The following ARID1B variants were observed in gnomAD, a reference collection of about 807,000 sequenced individuals.
ARID1B encodes the protein AT-rich interaction domain 1B.
A neutral mutation model predicts 212.3 loss-of-function variants in ARID1B; 30 were observed. That is an observed-to-expected ratio of 0.14 (90% CI 0.11 to 0.19). The LOEUF (loss-of-function observed/expected upper bound fraction) is 0.19, where lower values mean the gene tolerates loss of function less well. Among genes scored for constraint, ARID1B ranks in the 10% least tolerant of loss-of-function variants. The pLI is 1.00. For missense variants in ARID1B, 2,891 were observed against 3,204.0 expected (o/e 0.90, Z 2.36); for synonymous variants, 1,402 against 1,301.7 (o/e 1.08, Z -1.66).
chr6:157,135,812 T>C (rs1227508220), intron 7 of ARID1B, among the ~76,000 whole-genome samples: 3 of 152,358 alleles, frequency 2.0e-5, no homozygotes, highest in East Asian at 3.8e-4. Context: ...CTTGATTAAC[T>C]ACTCAGATTA....
In ARID1B at chr6:156,829,247, G is replaced by A; in HGVS notation, c.1812G>A (p.Met604Ile). 6.2e-7 allele frequency: 1 copy of A among 1,613,990 alleles called. No homozygotes were observed. The highest frequency in any genetic ancestry group is 8.5e-7 in the Non-Finnish European group (1 of 1,179,904). ...GRSQGSPMDP[M>I]VMKRPQLYGM... ...CACAGGGCAGCCCAATGGATCCAATGGTGATGAAGAGACCTCAGTTGTATG... is the reference window on the plus strand; with the variant it reads ...CACAGGGCAGCCCAATGGATCCAATAGTGATGAAGAGACCTCAGTTGTATG... Residue 604 changes from methionine to isoleucine, a missense_variant, in exon 2 of 20, where the codon ATG becomes ATA. Met to Ile is a conservative substitution (Grantham distance 10). Transcript: ENST00000636930.
rs1444143519 is a variant in ARID1B at position 157,207,651 on chromosome 6, C to T, written c.6879C>T (p.Ala2293=). ...ISFLEDGVTM[A]QYQQSQHNLM... ...TCCTAGAGGATGGGGTCACGATGGC[C>T]CAGTACCAGCAGAGCCAGCACAACC... The change falls in exon 20 of 20, where the codon GCC becomes GCT. Residue 2293 remains alanine (A), a synonymous_variant. Transcript: ENST00000636930. This position sits in a 1 kb window ranked among gnomAD's most constrained non-coding sequence, Gnocchi z 8.5. 3.1e-6 allele frequency: 5 copies of T among 1,613,988 alleles called. No homozygotes were observed. The highest frequency in any genetic ancestry group is 4.2e-6 in the Non-Finnish European group (5 of 1,179,916).
chr6:156,782,170 AG>A lies in ARID1B; in HGVS notation c.1791+2700del, dbSNP rs1282640542. Among the ~76,000 whole-genome samples, 3 of 151,778 alleles carry A rather than the reference AG, an allele frequency of 2.0e-5. No homozygotes were observed. In the East Asian group the frequency reaches 5.8e-4, roughly 29 times the overall value. ...AGTTGTTGTAATTATACTAAGAAAC[AG>A]TCATTTGTCCAAAATATTAAATTAC... On this transcript the variant is annotated intron_variant, in intron 1 of 19. Coordinates refer to ENST00000636930, the MANE Select transcript of ARID1B (RefSeq NM_001374828.1).
At chr6:156,864,715 C>G (rs955261079) in intron 2 of ARID1B, among the ~76,000 whole-genome samples, 1 of 152,152 alleles carries the variant, frequency 6.6e-6, no homozygotes, top group South Asian at 2.1e-4. Flanking sequence ...TTGCTGTCCC[C>G]GCTGGAAGAT....
chr6:156,778,865 C>A lies in ARID1B; in HGVS notation c.1185C>A (p.Gly395=), dbSNP rs1562377351. 1 of 1,399,236 alleles carries A rather than the reference C, an allele frequency of 7.1e-7. No individual in the cohort carries two copies. Among genetic ancestry groups the A allele is most frequent in the Non-Finnish European group, 9.3e-7 (1 of 1,073,394 alleles). 86.7% of individuals were successfully genotyped at this position (1,399,236 alleles called of 1,614,324 possible). ...SRPGAGGGGG[G]GGGGGGGSGG... ...CCGGCGCGGGCGGCGGCGGCGGCGG[C>A]GGCGGCGGAGGAGGAGGAGGCAGCG... is the stretch of plus-strand genomic sequence containing the variant. The change falls in exon 1 of 20, where the codon GGC becomes GGA. Residue 395 remains glycine, a synonymous_variant. Coordinates refer to ENST00000636930, the MANE Select transcript of ARID1B (RefSeq NM_001374828.1).
chr6:157,125,673 G>A (rs1196719050), intron 6 of ARID1B, among the ~76,000 whole-genome samples: 1 of 152,172 alleles, frequency 6.6e-6, no homozygotes, highest in East Asian at 1.9e-4. Flanking sequence ...CATAGCACCT[G>A]TGCTGCTTTT....
intron 1 of ARID1B, among the ~76,000 whole-genome samples, chr6:156,823,559 G>T (rs1461460776): frequency 1.3e-5 from 2 of 152,166 alleles, no homozygotes; most frequent in Non-Finnish European, 2.9e-5. Context: ...ACTGGTAAGA[G>T]AATGTTGTTT....
intron 4 of ARID1B, among the ~76,000 whole-genome samples, chr6:157,067,111 C>T (rs762502642): frequency 7.2e-5 from 11 of 152,158 alleles, no homozygotes; most frequent in Non-Finnish European, 1.3e-4. Context: ...GTTTGCCAAG[C>T]AGATTCCAAG....
intron 4 of ARID1B, among the ~76,000 whole-genome samples, chr6:156,991,128 C>G (rs1318306412): frequency 6.6e-6 from 1 of 152,326 alleles, no homozygotes; most frequent in East Asian, 1.9e-4. Flanking sequence ...AGTTGGTACA[C>G]ATGGCAGAGA....
chr6:157,015,722 C>T (rs1440981603), intron 4 of ARID1B, among the ~76,000 whole-genome samples: 2 of 152,160 alleles, frequency 1.3e-5, no homozygotes, highest in African/African-American at 2.4e-5. Context: ...GCTGACTTAC[C>T]GTATAACCCT....
intron 4 of ARID1B, among the ~76,000 whole-genome samples, chr6:157,004,890 C>CTTTTTTTTTTT (rs1779118895): frequency 2.8e-5 from 1 of 35,692 alleles, no homozygotes; most frequent in African/African-American, 6.5e-5. Context: ...TTTTCTTCTT[C>CTTTTTTTTTTT]TTTTTTCTTT....
chr6:157,013,649 CAG>C (rs1337933455), intron 4 of ARID1B, among the ~76,000 whole-genome samples: 2 of 152,202 alleles, frequency 1.3e-5, no homozygotes, highest in African/African-American at 4.8e-5. Context: ...TTAAACACCA[CAG>C]GAAGATTTTG....
intron 2 of ARID1B, among the ~76,000 whole-genome samples, chr6:156,882,610 T>C (rs1787189692): frequency 1.3e-5 from 2 of 152,214 alleles, no homozygotes; most frequent in Non-Finnish European, 1.5e-5. Context: ...ACCAGAAATA[T>C]AGCACGGTTC....
chr6:156,927,029 A>G (rs1791276259), intron 3 of ARID1B, among the ~76,000 whole-genome samples: 1 of 141,930 alleles, frequency 7.0e-6, no homozygotes, highest in African/African-American at 2.8e-5. Flanking sequence ...TGCCTTTAAA[A>G]GATAAAGAAC....
intron 4 of ARID1B, among the ~76,000 whole-genome samples, chr6:157,048,779 G>A (rs77744128): frequency 0.019 from 2,908 of 152,304 alleles, 106 homozygotes; most frequent in African/African-American, 0.066. Context: ...ACTAAGCAGA[G>A]AGTTTTGCCA....
intron 4 of ARID1B, chr6:156,985,399 T>C (rs1777860704): frequency 1.3e-5 from 2 of 152,244 alleles, no homozygotes; most frequent in African/African-American, 4.8e-5. Flanking sequence ...GTGCTCATGT[T>C]TGAAAGACAA....
intron 4 of ARID1B, among the ~76,000 whole-genome samples, chr6:156,967,035 TTC>T (rs2128337278): frequency 6.6e-6 from 1 of 152,340 alleles, no homozygotes; most frequent in East Asian, 1.9e-4. Context: ...TTCTGGCTTT[TTC>T]TTTTAGTAAC....
At chr6:157,189,412 T>C (rs1027220835) in intron 13 of ARID1B, among the ~76,000 whole-genome samples, 1 of 152,212 alleles carries the variant, frequency 6.6e-6, no homozygotes, top group Non-Finnish European at 1.5e-5. Context: ...ACAAATGAAA[T>C]ATGTTGCCAA....
intron 2 of ARID1B, among the ~76,000 whole-genome samples, chr6:156,832,520 T>G (rs1167052055): frequency 6.6e-6 from 1 of 152,230 alleles, no homozygotes; most frequent in Non-Finnish European, 1.5e-5. Context: ...TGAATCCAGT[T>G]CATTTAATAT....
Sources: gnomAD v4.1 joint callset for allele counts (sites outside exome capture counted in the v4.1 genomes callset) on GRCh38, gnomAD v4.1.1 for gene constraint, Gnocchi (gnomAD v3.1) non-coding constraint, MANE v1.5 for transcripts, NCBI Gene and HGNC (gene_info 2026-07-23, HGNC 2026-07-21) for gene names.